The following KLRG1 variants were observed in gnomAD, a reference collection of about 807,000 sequenced individuals.
KLRG1 encodes killer cell lectin-like receptor subfamily G member 1.
In KLRG1, 16 loss-of-function variants were observed where a neutral mutation model predicts 21.8. The observed-to-expected ratio is 0.73, with a 90% CI of 0.50 to 1.11. The LOEUF is 1.11. Ranked by LOEUF, KLRG1 falls within the 50% of genes most tolerant of loss-of-function variation. The pLI is 0.00. For missense variants in KLRG1, 173 were observed against 218.3 expected (o/e 0.79, Z 1.31); for synonymous variants, 69 against 75.9 (o/e 0.91, Z 0.47).
At chr12:8,965,317 G>A (rs945273779) in intron 1 of KLRG1, among the ~76,000 whole-genome samples, 1 of 152,120 alleles carries the variant, frequency 6.6e-6, no homozygotes, top group African/African-American at 2.4e-5. Context: ...ATTCAACATA[G>A]TGTTGGAAGT....
At chr12:9,167,590 A>T in the KLRG1 span, 1 of 152,172 alleles carries the variant, frequency 6.6e-6, no homozygotes, top group African/African-American at 2.4e-5. Context: ...TAGTCATGGA[A>T]ATGGCTTCAT....
chr12:8,966,467 A>T (rs1946474091), intron 1 of KLRG1, among the ~76,000 whole-genome samples: 3 of 152,100 alleles, frequency 2.0e-5, no homozygotes, highest in Non-Finnish European at 4.4e-5. Flanking sequence ...TCCAGAATCT[A>T]CAATGAACTC....
chr12:9,107,696 T>C, the KLRG1 span: 1 of 1,599,078 alleles, frequency 6.3e-7, no homozygotes, highest in African/African-American at 1.3e-5. Context: ...AACCTCCCCA[T>C]TTTCTAGCTA....
chr12:9,104,529 G>GA, the KLRG1 span: 398,043 of 854,730 alleles, frequency 0.47, 99,038 homozygotes, highest in African/African-American at 0.73. Flanking sequence ...ACACAGCAGT[G>GA]AAAAAAAACG....
the KLRG1 span, among the ~76,000 whole-genome samples, chr12:9,023,175 C>T: frequency 2.0e-5 from 3 of 152,188 alleles, no homozygotes; most frequent in Non-Finnish European, 4.4e-5. Flanking sequence ...GGGAGACAGT[C>T]TTGTCAGGCT....
At chr12:9,110,181 C>G in the KLRG1 span, 7 of 1,119,544 alleles carry the variant, frequency 6.3e-6, no homozygotes, top group South Asian at 7.8e-5. Context: ...TTATAGCCAT[C>G]TAGCTCTATG....
At chr12:9,034,735 C>T in the KLRG1 span, among the ~76,000 whole-genome samples, 1 of 152,228 alleles carries the variant, frequency 6.6e-6, no homozygotes, top group Admixed American at 6.5e-5. Flanking sequence ...GCGTGAGGCA[C>T]CGTGCCTGGC....
the KLRG1 span, chr12:9,159,896 C>T: frequency 6.6e-7 from 1 of 1,520,550 alleles, no homozygotes; most frequent in Non-Finnish European, 9.1e-7. Flanking sequence ...TGTGCACGTT[C>T]TGAACTCATA....
chr12:9,192,065 G>A, the KLRG1 span: 1 of 752,990 alleles, frequency 1.3e-6, no homozygotes, highest in Non-Finnish European at 2.3e-6. Context: ...CATAAGACGA[G>A]TATTTTCCTG....
At chr12:8,983,597 C>T (rs1006922609) in intron 1 of KLRG1, among the ~76,000 whole-genome samples, 1 of 151,930 alleles carries the variant, frequency 6.6e-6, no homozygotes, top group Non-Finnish European at 1.5e-5. Flanking sequence ...GACGGGGTTT[C>T]ACCATGTTGG....
chr12:9,004,570 G>A (rs10842696), intron 3 of KLRG1, among the ~76,000 whole-genome samples: 44,408 of 152,110 alleles, frequency 0.29, 7,461 homozygotes, highest in East Asian at 0.4. Context: ...CTGGGCTCAA[G>A]TGATCCTCCT....
At chr12:9,006,492 A>T (rs1947478512) in intron 3 of KLRG1, among the ~76,000 whole-genome samples, 1 of 152,222 alleles carries the variant, frequency 6.6e-6, no homozygotes, top group Non-Finnish European at 1.5e-5. Flanking sequence ...AAGTGAGTAA[A>T]TGGTTAGTAG....
chr12:9,008,825 C>T, intron 3 of KLRG1, 150 bp from the exon 4 acceptor site: 1 of 606,146 alleles, frequency 1.6e-6, no homozygotes, highest in Non-Finnish European at 3.0e-6. Flanking sequence ...CGCATTCAGT[C>T]CTTAAGAGTG....
At chr12:8,975,137 T>C (rs933997268) in intron 1 of KLRG1, among the ~76,000 whole-genome samples, 2 of 152,140 alleles carry the variant, frequency 1.3e-5, no homozygotes, top group African/African-American at 4.8e-5. Flanking sequence ...TGACCTCAAG[T>C]GATCTGCCTG....
At chr12:9,113,528 C>T in the KLRG1 span, 1 of 1,613,728 alleles carries the variant, frequency 6.2e-7, no homozygotes, top group African/African-American at 1.3e-5. Flanking sequence ...GGGAGGGGAC[C>T]AGAACCATAT....
the KLRG1 span, chr12:9,069,677 C>T: frequency 5.7e-6 from 7 of 1,221,826 alleles, no homozygotes; most frequent in South Asian, 3.0e-5. Context: ...ATGCATTTAC[C>T]TTCCCAGATG....
the KLRG1 span, among the ~76,000 whole-genome samples, chr12:9,020,766 C>G: frequency 9.9e-5 from 15 of 152,010 alleles, no homozygotes; most frequent in Non-Finnish European, 2.1e-4. Flanking sequence ...TTTCTTTTTT[C>G]TTGGCTAAAT....
the KLRG1 span, chr12:9,202,825 G>A: frequency 2.5e-6 from 2 of 795,186 alleles, no homozygotes; most frequent in Non-Finnish European, 3.9e-6. Context: ...ACATAAGAGT[G>A]ACGATATTAA....
chr12:8,987,794 A>T (rs1946868531), upstream of KLRG1, among the ~76,000 whole-genome samples: 2 of 152,172 alleles, frequency 1.3e-5, no homozygotes, highest in Admixed American at 1.3e-4. Flanking sequence ...ACTTAGTATA[A>T]TGTTTTCAAG....
Sources: gnomAD v4.1 joint callset for allele counts (sites outside exome capture counted in the v4.1 genomes callset) on GRCh38, gnomAD v4.1.1 for gene constraint, MANE v1.5 for transcripts, NCBI Gene and HGNC (gene_info 2026-07-23, HGNC 2026-07-21) for gene names.